The following SLC13A1 variants were observed in gnomAD, a reference collection of about 807,000 sequenced individuals.
SLC13A1 encodes the protein solute carrier family 13 member 1, also known as Na(+)/sulfate cotransporter.
A neutral mutation model predicts 70.0 loss-of-function variants in SLC13A1; 65 were observed. That is an observed-to-expected ratio of 0.93 (90% CI 0.76 to 1.14). The LOEUF is 1.14. Among genes scored for constraint, SLC13A1 ranks in the 50% most tolerant of loss-of-function variants. The pLI, the probability that SLC13A1 is intolerant of heterozygous loss-of-function variation, is 0.00. For synonymous variants in SLC13A1, 275 were observed against 250.5 expected (o/e 1.10, Z -0.92); for missense variants, 726 against 717.8 (o/e 1.01, Z -0.13).
chr7:123,118,685 C>A (rs1039597788), intron 13 of SLC13A1, among the ~76,000 whole-genome samples: 3 of 152,060 alleles, frequency 2.0e-5, no homozygotes, highest in Non-Finnish European at 4.4e-5. Context: ...CTTATATGAA[C>A]CACTTCTCAG....
Position 123,115,628 on chromosome 7 carries a change from C to A in SLC13A1, c.1678G>T (p.Val560Phe). 1.2e-6 allele frequency: 2 copies of A among 1,613,824 alleles called. No individual in the cohort carries two copies. Among genetic ancestry groups the A allele is most frequent in the Non-Finnish European group, 1.7e-6 (2 of 1,179,770 alleles). The change falls in exon 15 of 15, where the codon GTT (valine) becomes TTT (phenylalanine). Residue 560 changes from valine to phenylalanine, a missense_variant. Transcript: ENST00000194130. Reference sequence around the variant, plus strand: ...CCAAGCATAACCACAGCAACACCAACAATGTTGACACCAAGTCCAGCTTTA... The same window carrying A: ...CCAAGCATAACCACAGCAACACCAAAAATGTTGACACCAAGTCCAGCTTTA... ...MVKAGLGVNI[V>F]GVAVVMLGIC...
At chr7:123,199,597 G>A (rs1381109221) in intron 1 of SLC13A1, among the ~76,000 whole-genome samples, 5 of 151,974 alleles carry the variant, frequency 3.3e-5, no homozygotes, top group Non-Finnish European at 7.4e-5. Context: ...CTCTCATCTA[G>A]TTGATAGGCA....
chr7:123,118,440 A>C (rs1002446238), intron 13 of SLC13A1, among the ~76,000 whole-genome samples: 1 of 152,118 alleles, frequency 6.6e-6, no homozygotes, highest in Non-Finnish European at 1.5e-5. Context: ...ATCCTTCTTA[A>C]AGTGCTTTCC....
At chr7:123,115,846 A>C (rs534913270) in intron 14 of SLC13A1, among the ~76,000 whole-genome samples, 191 bp from the exon 15 acceptor site, 2 of 152,338 alleles carry the variant, frequency 1.3e-5, no homozygotes, top group South Asian at 2.1e-4. Context: ...ATATGTATAC[A>C]TGGGTCATGT....
At chr7:123,178,027 C>CTT (rs1563349657) in intron 2 of SLC13A1, among the ~76,000 whole-genome samples, 1 of 150,100 alleles carries the variant, frequency 6.7e-6, no homozygotes, top group Admixed American at 6.7e-5. Context: ...TTCTCTCTCT[C>CTT]TCTCTCTATA....
At chr7:123,176,163 T>C (rs1398923850) in intron 2 of SLC13A1, among the ~76,000 whole-genome samples, 1 of 152,218 alleles carries the variant, frequency 6.6e-6, no homozygotes, top group Non-Finnish European at 1.5e-5. Context: ...CAGCCTGCAG[T>C]CCAAATAAAA....
chr7:123,142,870 GC>G (rs1041346210), intron 7 of SLC13A1, among the ~76,000 whole-genome samples: 3 of 151,892 alleles, frequency 2.0e-5, no homozygotes, highest in African/African-American at 7.3e-5. Context: ...GCCCTCCTCG[GC>G]CTCCCAAAGT....
chr7:123,115,645 C>G lies in SLC13A1; in HGVS notation c.1661G>C (p.Gly554Ala). The change falls in exon 15 of 15, where the codon GGA becomes GCA. Residue 554 changes from glycine to alanine, a missense_variant. Physicochemically the swap from Gly to Ala is moderately conservative, Grantham distance 60. Coordinates refer to ENST00000194130, the MANE Select transcript of SLC13A1 (RefSeq NM_022444.4). ...AACACCAACAATGTTGACACCAAGT[C>G]CAGCTTTAACCTTGAACAGGAAAGA... is the stretch of plus-strand genomic sequence containing the variant. ...HLKVIDMVKA[G>A]LGVNIVGVAV... is the part of the protein sequence containing the mutation. 1 of 1,613,636 alleles carries G rather than the reference C, an allele frequency of 6.2e-7. No homozygotes were observed. The highest frequency in any genetic ancestry group is 8.5e-7 in the Non-Finnish European group (1 of 1,179,684).
chr7:123,129,033 G>C, intron 9 of SLC13A1, 87 bp from the exon 10 acceptor site: 1 of 871,638 alleles, frequency 1.1e-6, no homozygotes, highest in South Asian at 1.4e-5. Flanking sequence ...AGGAATGATC[G>C]CAGTAGAACA....
At chr7:123,151,096 G>A (rs1028748274) in intron 6 of SLC13A1, among the ~76,000 whole-genome samples, 1 of 151,956 alleles carries the variant, frequency 6.6e-6, no homozygotes, top group African/African-American at 2.4e-5. Context: ...AGCCGAGGCA[G>A]GTGGATCACT....
At chr7:123,195,006 A>C (rs974757402) in intron 1 of SLC13A1, among the ~76,000 whole-genome samples, 8 of 152,152 alleles carry the variant, frequency 5.3e-5, no homozygotes, top group Admixed American at 5.2e-4. Context: ...TACTTTTGCC[A>C]TTAATATTTG....
chr7:123,140,091 G>T (rs1466882001), intron 7 of SLC13A1, among the ~76,000 whole-genome samples: 1 of 151,682 alleles, frequency 6.6e-6, no homozygotes, highest in African/African-American at 2.4e-5. Context: ...AAAAAAAATT[G>T]TTAAGGTATT....
At chr7:123,151,366 A>ATGTGTG (rs558304741) in intron 6 of SLC13A1, among the ~76,000 whole-genome samples, 3,856 of 145,622 alleles carry the variant, frequency 0.026, 177 homozygotes, top group African/African-American at 0.089. Context: ...ATTTGAATAT[A>ATGTGTG]TGTGTGTGTG....
Position 123,122,981 on chromosome 7 carries a change from T to C in SLC13A1, c.1350+145A>G. ...TTGAACTCTGAACTCATCTCATTTG[T>C]GTGGTATATTCACTGCATAGCTAGC... On this transcript the variant is annotated intron_variant, in intron 12 of 14. Transcript: ENST00000194130. The C allele has an allele frequency of 4.9e-6, 3 of 607,734 alleles. No individual in the cohort carries two copies. In the Admixed American group the frequency reaches 7.5e-5, roughly 15 times the overall value. 37.6% of individuals were successfully genotyped at this position (607,734 alleles called of 1,614,324 possible).
intron 2 of SLC13A1, among the ~76,000 whole-genome samples, chr7:123,176,508 G>T (rs1353364869): frequency 1.3e-5 from 2 of 152,140 alleles, no homozygotes; most frequent in Non-Finnish European, 2.9e-5. Context: ...GAGCACCTGA[G>T]TTCTCTCTTA....
At chr7:123,164,080 A>G (rs1453798360) in intron 6 of SLC13A1, among the ~76,000 whole-genome samples, 2 of 152,108 alleles carry the variant, frequency 1.3e-5, no homozygotes, top group African/African-American at 4.8e-5. Flanking sequence ...AGAAGGTGAT[A>G]CATGCTTTTG....
At chr7:123,195,734 A>T (rs1175338897) in intron 1 of SLC13A1, among the ~76,000 whole-genome samples, 1 of 152,020 alleles carries the variant, frequency 6.6e-6, no homozygotes, top group Non-Finnish European at 1.5e-5. Context: ...TTTCTAGAGA[A>T]ATCCAAAATA....
At chr7:123,134,658 C>T (rs142787728) in intron 7 of SLC13A1, 129 bp from the exon 8 acceptor site, 17 of 784,504 alleles carry the variant, frequency 2.2e-5, no homozygotes, top group Middle Eastern at 5.1e-4. Flanking sequence ...GGAATATACT[C>T]ATCATTAAAT....
In SLC13A1 at chr7:123,128,169, G is replaced by T. The variant is rs140148400; in HGVS notation, c.1133+676C>A. Among the ~76,000 whole-genome samples the T allele has an allele frequency of 2.5e-3, 384 of 151,984 alleles. 1 individual carries two copies. The highest frequency in any genetic ancestry group is 8.6e-3 in the African/African-American group (358 of 41,450). ...AGAAATTCCTTATCTATGAAATGGA[G>T]GCTGGGCTGAACTTGTAGTGAACTA... On this transcript the variant is annotated intron_variant, in intron 10 of 14. Transcript: ENST00000194130.
Sources: allele counts gnomAD v4.1 joint callset (sites outside exome capture counted in the v4.1 genomes callset), GRCh38; gene constraint gnomAD v4.1.1; transcripts MANE v1.5; gene names NCBI Gene and HGNC (gene_info 2026-07-23, HGNC 2026-07-21).